SLC30A7: variants seen among roughly 807,000 people sequenced by gnomAD.
SLC30A7 encodes zinc transporter 7.
Under a neutral mutation model 46.0 loss-of-function variants are expected in SLC30A7, and 35 were observed. That is an observed-to-expected ratio of 0.76 (90% CI 0.58 to 1.01). The LOEUF (loss-of-function observed/expected upper bound fraction) is 1.01. Among genes scored for constraint, SLC30A7 ranks in the 50% least tolerant of loss-of-function variants. SLC30A7 has a pLI of 0.00. For synonymous variants in SLC30A7, 147 were observed against 157.8 expected (o/e 0.93, Z 0.51); for missense variants, 464 against 451.1 (o/e 1.03, Z -0.26).
chr1:100,918,111 CA>C lies in SLC30A7; in HGVS notation c.691del (p.Arg231AspfsTer12), dbSNP rs757157403. 1.9e-6 allele frequency: 3 copies of C among 1,612,626 alleles called. No homozygotes were observed. The highest frequency in any genetic ancestry group is 2.5e-6 in the Non-Finnish European group (3 of 1,179,032). On this transcript the variant is annotated frameshift_variant, in exon 7 of 11. Coordinates refer to ENST00000357650, the MANE Select transcript of SLC30A7 (RefSeq NM_133496.5). LOFTEE classifies it high-confidence loss of function. Reference sequence around the variant, plus strand: ...CCTTAAAAGAAACAACAGGACCCAGCAGACAGATTTTACAAGGTATGACAAG... The same window carrying C: ...CCTTAAAAGAAACAACAGGACCCAGCGACAGATTTTACAAGGTATGACAAG... Reference protein sequence around the residue: ...PSLKETTGPSRQILQGVFLHI... With the variant: ...PSLKETTGPSXQILQGVFLHI...
chr1:100,911,011 A>C (rs951492688), intron 3 of SLC30A7, 52 bp from the exon 4 acceptor site: 2 of 1,396,370 alleles, frequency 1.4e-6, no homozygotes, highest in South Asian at 2.4e-5. Flanking sequence ...TTTACGATTT[A>C]ATTTTTAAGA....
In SLC30A7 at chr1:100,980,043, A is replaced by T. The variant is rs1157632920; in HGVS notation, c.*5186A>T. 3.3e-5 allele frequency: 5 copies of T among 152,094 alleles called. No homozygotes were observed. Among genetic ancestry groups the T allele is most frequent in the African/African-American group, 9.7e-5 (4 of 41,436 alleles). The allele number at this position is 152,094 out of a possible 1,614,324, so 9.4% of individuals were successfully genotyped here. On this transcript the variant is annotated 3_prime_UTR_variant, in exon 11 of 11. Transcript: ENST00000357650. ...TTCCTACCTTTACCATTGATCTTAA[A>T]CTGTGCAGGCTAAAAAGAGGAACCA...
At chr1:100,923,004 A>ATTTTTTTTTTTTT (rs71084855) in intron 8 of SLC30A7, among the ~76,000 whole-genome samples, 1 of 49,110 alleles carries the variant, frequency 2.0e-5, no homozygotes, top group African/African-American at 9.2e-5. Flanking sequence ...GTTAGAATAG[A>ATTTTTTTTTTTTT]TTTTTTTTTT....
chr1:100,948,024 A>C (rs967105900), intron 8 of SLC30A7, among the ~76,000 whole-genome samples: 2 of 152,120 alleles, frequency 1.3e-5, no homozygotes, highest in African/African-American at 4.8e-5. Context: ...TGTGTCTTTT[A>C]ATTGGGGCAT....
intron 8 of SLC30A7, among the ~76,000 whole-genome samples, chr1:100,925,402 CTG>C (rs1279340093): frequency 1.3e-5 from 2 of 152,296 alleles, no homozygotes; most frequent in African/African-American, 4.8e-5. Flanking sequence ...ATTTTGGCTG[CTG>C]TGTGGATAAT....
downstream of SLC30A7, among the ~76,000 whole-genome samples, chr1:100,983,399 A>C (rs1231688879): frequency 1.3e-5 from 2 of 148,502 alleles, no homozygotes; most frequent in Non-Finnish European, 3.0e-5. Flanking sequence ...AACAAAACAA[A>C]ACAAAACAAA....
At chr1:100,986,536 A>G (rs1377633555), downstream of SLC30A7, among the ~76,000 whole-genome samples, 1 of 152,232 alleles carries the variant, frequency 6.6e-6, no homozygotes, top group Non-Finnish European at 1.5e-5. Context: ...CAAAATGTAC[A>G]GGCACTTTGG....
At chr1:100,915,019 T>C (rs1485779365) in intron 6 of SLC30A7, among the ~76,000 whole-genome samples, 1 of 152,162 alleles carries the variant, frequency 6.6e-6, no homozygotes, top group African/African-American at 2.4e-5. Flanking sequence ...TTGATGAGTT[T>C]GAGGTAAGTA....
intron 2 of SLC30A7, among the ~76,000 whole-genome samples, chr1:100,900,523 GC>G (rs1228707789): frequency 3.3e-5 from 5 of 152,114 alleles, no homozygotes; most frequent in Non-Finnish European, 7.4e-5. Context: ...TCAAAAGGCA[GC>G]ATTACTTACC....
intron 10 of SLC30A7, among the ~76,000 whole-genome samples, chr1:100,971,974 A>G (rs984281936): frequency 6.6e-6 from 1 of 152,170 alleles, no homozygotes; most frequent in Non-Finnish European, 1.5e-5. Context: ...TAGGAGCATG[A>G]AAGTGTTCAA....
chr1:100,992,447 A>T, the SLC30A7 span, among the ~76,000 whole-genome samples: 1 of 151,646 alleles, frequency 6.6e-6, no homozygotes, highest in Non-Finnish European at 1.5e-5. Context: ...AAGAATGCCA[A>T]TTTTTTTTTC....
chr1:100,995,074 A>T, the SLC30A7 span: 1 of 1,473,914 alleles, frequency 6.8e-7, no homozygotes, highest in East Asian at 2.3e-5. Flanking sequence ...TCAAGGAAAT[A>T]AAACACATGT....
Position 100,902,138 on chromosome 1 carries a change from T to C in SLC30A7, c.183-4714T>C, listed in dbSNP as rs548890056. ...TGTGTATTTGCAGCTAGGTAATTTT[T>C]AAATCATGATATCAAGTTTAAGGGA... On this transcript the variant is annotated intron_variant, in intron 2 of 10. Transcript: ENST00000357650. 2.6e-5 allele frequency among the ~76,000 whole-genome samples: 4 copies of C among 152,314 alleles called. No homozygotes were observed. In the South Asian group the frequency reaches 8.3e-4, roughly 32 times the overall value.
At chr1:100,906,227 A>C (rs1460124572) in intron 2 of SLC30A7, among the ~76,000 whole-genome samples, 3 of 152,170 alleles carry the variant, frequency 2.0e-5, no homozygotes, top group Admixed American at 6.5e-5. Flanking sequence ...GCTTTTAGCA[A>C]GTTCTGCACA....
chr1:100,958,259 C>G (rs1376729926), intron 8 of SLC30A7, among the ~76,000 whole-genome samples: 1 of 152,134 alleles, frequency 6.6e-6, no homozygotes, highest in African/African-American at 2.4e-5. Context: ...TCACTGCAAG[C>G]TCCACCTCCC....
At chr1:100,914,438 T>G (rs1652342801) in intron 6 of SLC30A7, among the ~76,000 whole-genome samples, 1 of 152,150 alleles carries the variant, frequency 6.6e-6, no homozygotes, top group South Asian at 2.1e-4. Flanking sequence ...CACGAGGCCT[T>G]TTGTGCTATA....
intron 8 of SLC30A7, among the ~76,000 whole-genome samples, chr1:100,948,839 G>A (rs1654789821): frequency 6.6e-6 from 1 of 152,156 alleles, no homozygotes; most frequent in South Asian, 2.1e-4. Context: ...GGCTATTGAA[G>A]CTTGTGCATG....
chr1:100,918,079 G>A lies in SLC30A7; in HGVS notation c.658G>A (p.Gly220Ser). ...HGHGHFHSHD[G>S]PSLKETTGPS... ...TAAAATAACTTAATTCTCTACAGAT[G>A]GCCCGTCCTTAAAAGAAACAACAGG... Residue 220 changes from glycine to serine, a missense_variant and splice_region_variant, in exon 7 of 11, where the codon GGC becomes AGC. Physicochemically the swap from Gly to Ser is moderately conservative, Grantham distance 56. Coordinates refer to ENST00000357650, the MANE Select transcript of SLC30A7 (RefSeq NM_133496.5). 1 of 1,611,198 alleles carries A rather than the reference G, an allele frequency of 6.2e-7. No individual in the cohort carries two copies. Among genetic ancestry groups the A allele is most frequent in the Non-Finnish European group, 8.5e-7 (1 of 1,178,054 alleles).
At chr1:100,929,093 A>T (rs201580067) in intron 8 of SLC30A7, among the ~76,000 whole-genome samples, 12 of 149,294 alleles carry the variant, frequency 8.0e-5, no homozygotes, top group Admixed American at 2.7e-4. Context: ...ATATATAGAG[A>T]GTGTGTGTGT....
Sources: gnomAD v4.1 joint callset for allele counts (sites outside exome capture counted in the v4.1 genomes callset) on GRCh38, gnomAD v4.1.1 for gene constraint, MANE v1.5 for transcripts, NCBI Gene and HGNC (gene_info 2026-07-23, HGNC 2026-07-21) for gene names.